The following ZW10 variants were observed in gnomAD, a reference collection of about 807,000 sequenced individuals.
The protein encoded by ZW10 is zw10 kinetochore protein, also known as centromere/kinetochore protein zw10 homolog.
In ZW10, 53 loss-of-function variants were observed where a neutral mutation model predicts 87.8. The observed-to-expected ratio is 0.60, with a 90% CI of 0.48 to 0.76. The LOEUF (loss-of-function observed/expected upper bound fraction) is 0.76, where lower values mean the gene tolerates loss of function less well. ZW10 is among the 30% of genes least tolerant of loss of function. ZW10 has a pLI of 0.00. For synonymous variants in ZW10, 312 were observed against 329.2 expected, an observed-to-expected ratio of 0.95 and a Z score of 0.57; for missense variants, 837 against 923.0, an observed-to-expected ratio of 0.91 and a Z score of 1.21.
At chr11:113,740,278 T>C (rs1238725107) in intron 11 of ZW10, among the ~76,000 whole-genome samples, 1 of 152,144 alleles carries the variant, frequency 6.6e-6, no homozygotes, top group Non-Finnish European at 1.5e-5. Flanking sequence ...TAAAGCTCCA[T>C]AAGTTATTCT....
chr11:113,760,773 C>T, intron 3 of ZW10, 44 bp downstream of exon 3: 1 of 1,557,132 alleles, frequency 6.4e-7, no homozygotes, highest in Non-Finnish European at 8.8e-7. Context: ...CTAATGAGAC[C>T]TTCCCACCAC....
chr11:113,757,440 TG>T (rs1953801764), intron 7 of ZW10, among the ~76,000 whole-genome samples: 1 of 152,172 alleles, frequency 6.6e-6, no homozygotes, highest in Non-Finnish European at 1.5e-5. Context: ...ATACAGAATC[TG>T]GGGTACCACT....
At chr11:113,764,907 C>T (rs1417902525) in intron 2 of ZW10, among the ~76,000 whole-genome samples, 1 of 152,142 alleles carries the variant, frequency 6.6e-6, no homozygotes, top group Non-Finnish European at 1.5e-5. Flanking sequence ...CTGACCACTC[C>T]GTATATATTG....
Position 113,748,341 on chromosome 11 carries a change from C to T in ZW10, c.1005G>A (p.Trp335Ter). 6.2e-7 allele frequency: 1 copy of T among 1,613,730 alleles called. No individual in the cohort carries two copies. Among genetic ancestry groups the T allele is most frequent in the Non-Finnish European group, 8.5e-7 (1 of 1,179,808 alleles). Residue 335 changes from tryptophan to a stop codon, truncating the protein, a stop_gained, in exon 8 of 16, where the codon TGG (tryptophan) becomes TGA (stop). Coordinates refer to ENST00000200135, the MANE Select transcript of ZW10 (RefSeq NM_004724.4). LOFTEE classifies it high-confidence loss of function. Reference protein sequence around the residue: ...PLAEMLGDMIWEDLSECLIKN... With the variant: ...PLAEMLGDMI The stretch of plus-strand genomic sequence containing the variant: ...TGATGAGGCACTCAGACAAGTCCTC[C>T]CAGATCATGTCTCCAAGCATCTCAG...
At chr11:113,747,151 C>G (rs1037581588) in intron 9 of ZW10, among the ~76,000 whole-genome samples, 1 of 152,060 alleles carries the variant, frequency 6.6e-6, no homozygotes, top group Non-Finnish European at 1.5e-5. Context: ...GAAGTCAACA[C>G]TTTCATAAGA....
intron 2 of ZW10, among the ~76,000 whole-genome samples, chr11:113,766,422 G>A (rs1319368078): frequency 6.6e-6 from 1 of 152,046 alleles, no homozygotes; most frequent in African/African-American, 2.4e-5. Flanking sequence ...TGTAATCCCA[G>A]CACTTTGGGA....
At chr11:113,758,428 G>T in intron 6 of ZW10, 126 bp downstream of exon 6, 5 of 705,198 alleles carry the variant, frequency 7.1e-6, no homozygotes, top group Non-Finnish European at 8.2e-6. Flanking sequence ...AATTCTCTTT[G>T]ATGAATCAAG....
In ZW10 at chr11:113,733,622, G is replaced by C. The variant is rs143944107; in HGVS notation, c.*72C>G. ...CAAAACCAATGGGCGATTCAAAGAA[G>C]TCTTTAAGGGAGTAATTATGCCAAG... is the stretch of plus-strand genomic sequence containing the variant. On this transcript the variant is annotated 3_prime_UTR_variant, in exon 16 of 16. Transcript: ENST00000200135. The C allele has an allele frequency of 3.2e-4, 518 of 1,601,242 alleles. 1 individual carries two copies. The African/African-American group carries it at 4.5e-3, about 14-fold the overall frequency.
chr11:113,745,427 A>G (rs1953668319), intron 9 of ZW10, among the ~76,000 whole-genome samples: 1 of 152,184 alleles, frequency 6.6e-6, no homozygotes, highest in South Asian at 2.1e-4. Context: ...AAAGTCTAAT[A>G]AAACTATTTA....
chr11:113,755,198 G>A (rs1001881341), intron 7 of ZW10, among the ~76,000 whole-genome samples: 6 of 152,138 alleles, frequency 3.9e-5, no homozygotes, highest in African/African-American at 1.4e-4. Context: ...TTCCTCTGAT[G>A]GATCTGAGCA....
chr11:113,742,524 A>C (rs1591411002), intron 10 of ZW10, among the ~76,000 whole-genome samples: 1 of 152,158 alleles, frequency 6.6e-6, no homozygotes, highest in African/African-American at 2.4e-5. Context: ...TTTGATAATG[A>C]AAAAGGGGGT....
At chr11:113,754,571 T>C (rs1391269563) in intron 7 of ZW10, among the ~76,000 whole-genome samples, 1 of 151,986 alleles carries the variant, frequency 6.6e-6, no homozygotes, top group African/African-American at 2.4e-5. Flanking sequence ...TGGCAACACA[T>C]CTACAACAGC....
intron 15 of ZW10, 148 bp downstream of exon 15, chr11:113,736,472 T>C: frequency 1.4e-6 from 1 of 721,782 alleles, no homozygotes; most frequent in South Asian, 1.7e-5. Context: ...TTATGATAGA[T>C]CATGAAAAGG....
chr11:113,753,213 G>A (rs561461217), intron 7 of ZW10, among the ~76,000 whole-genome samples: 1 of 151,814 alleles, frequency 6.6e-6, no homozygotes, highest in South Asian at 2.1e-4. Context: ...AGTGTGTGTT[G>A]TCCCCAATAT....
intron 9 of ZW10, among the ~76,000 whole-genome samples, chr11:113,746,494 T>TCAAAAAAAAAAAAAAAAAAAA (rs1953677483): frequency 1.2e-4 from 2 of 16,558 alleles, no homozygotes; most frequent in Admixed American, 6.9e-4. Context: ...AACAAAACAG[T>TCAAAAAAAAAAAAAAAAAAAA]CAAAAAAAAA....
chr11:113,761,008 C>A, intron 2 of ZW10, 90 bp from the exon 3 acceptor site: 1 of 927,790 alleles, frequency 1.1e-6, no homozygotes, highest in Non-Finnish European at 1.6e-6. Context: ...TTTACTAGGT[C>A]AACATAATTT....
chr11:113,767,171 G>C (rs567684060), intron 2 of ZW10, among the ~76,000 whole-genome samples: 2 of 130,836 alleles, frequency 1.5e-5, no homozygotes, highest in Non-Finnish European at 3.4e-5. Context: ...ACCAAACTAC[G>C]ATGATTAAAA....
intron 2 of ZW10, among the ~76,000 whole-genome samples, chr11:113,765,694 A>G (rs1023066423): frequency 2.6e-5 from 4 of 152,224 alleles, no homozygotes; most frequent in Non-Finnish European, 2.9e-5. Context: ...GCTATCAGGT[A>G]CTGCCAAAGC....
Position 113,739,397 on chromosome 11 carries a change from G to A in ZW10, c.1584-15C>T. ...GAAGGTTCTCCCTAGGCCAGAAGGA[G>A]GGGTAGAAAAACAAAGCAACCACCT... On this transcript the variant is annotated splice_polypyrimidine_tract_variant and intron_variant, in intron 11 of 15. Coordinates refer to ENST00000200135, the MANE Select transcript of ZW10 (RefSeq NM_004724.4). The A allele has an allele frequency of 6.4e-7, 1 of 1,573,176 alleles. No individual in the cohort carries two copies. The highest frequency in any genetic ancestry group is 8.6e-7 in the Non-Finnish European group (1 of 1,161,408).
Sources: gnomAD v4.1 joint callset for allele counts (sites outside exome capture counted in the v4.1 genomes callset) on GRCh38, gnomAD v4.1.1 for gene constraint, MANE v1.5 for transcripts, NCBI Gene and HGNC (gene_info 2026-07-23, HGNC 2026-07-21) for gene names.